Variants in TUSC3 observed in about 807,000 individuals in gnomAD.
TUSC3 encodes the protein tumor suppressor candidate 3.
Under a neutral mutation model 44.8 loss-of-function variants are expected in TUSC3, and 45 were observed. The ratio of observed to expected loss-of-function variants is 1.00; its 90% CI spans 0.79 to 1.29. The LOEUF (loss-of-function observed/expected upper bound fraction) is 1.29. Among genes scored for constraint, TUSC3 ranks in the 50% most tolerant of loss-of-function variants. TUSC3 has a pLI of 0.00. For missense variants in TUSC3, 519 were observed against 437.9 expected (o/e 1.19, Z -1.65); for synonymous variants, 212 against 152.9 (o/e 1.39, Z -2.85).
At chr8:15,552,993 A>G (rs1219967821) in intron 1 of TUSC3, among the ~76,000 whole-genome samples, 1 of 151,648 alleles carries the variant, frequency 6.6e-6, no homozygotes, top group Non-Finnish European at 1.5e-5. Flanking sequence ...GTACTCGGTA[A>G]TTGGTTGTGT....
chr8:15,490,120 G>A (rs2129125693), intron 2 of TUSC3, among the ~76,000 whole-genome samples: 1 of 152,190 alleles, frequency 6.6e-6, no homozygotes, highest in South Asian at 2.1e-4. Context: ...GTTTGATTTG[G>A]TTTTATTTAC....
At chr8:15,721,073 A>T (rs1810288438) in intron 6 of TUSC3, among the ~76,000 whole-genome samples, 1 of 152,082 alleles carries the variant, frequency 6.6e-6, no homozygotes, top group Non-Finnish European at 1.5e-5. Flanking sequence ...ATTCTTACCT[A>T]TTTTTTGTTT....
At chr8:15,830,227 C>G in the TUSC3 span, among the ~76,000 whole-genome samples, 1 of 151,880 alleles carries the variant, frequency 6.6e-6, no homozygotes, top group Non-Finnish European at 1.5e-5. Context: ...TAAATATTTT[C>G]CCCCATTCTG....
chr8:15,494,443 G>A (rs1311728847), intron 2 of TUSC3, among the ~76,000 whole-genome samples: 1 of 151,790 alleles, frequency 6.6e-6, no homozygotes, highest in Non-Finnish European at 1.5e-5. Context: ...TCAGCCTCCG[G>A]AGTAGCTGGG....
chr8:15,707,589 C>A (rs1030315355), intron 6 of TUSC3, among the ~76,000 whole-genome samples: 2 of 151,848 alleles, frequency 1.3e-5, no homozygotes, highest in Admixed American at 6.6e-5. Context: ...TGGTAACAAT[C>A]AAATATAATG....
At chr8:15,600,740 C>T (rs761412014) in intron 1 of TUSC3, among the ~76,000 whole-genome samples, 1 of 151,642 alleles carries the variant, frequency 6.6e-6, no homozygotes, top group Admixed American at 6.6e-5. Flanking sequence ...ACCCTCTCAA[C>T]AACTAGTTAA....
chr8:15,445,490 G>C (rs961408275), intron 1 of TUSC3, among the ~76,000 whole-genome samples: 1 of 152,088 alleles, frequency 6.6e-6, no homozygotes, highest in African/African-American at 2.4e-5. Context: ...GTGTCCCTGG[G>C]TACTTGAGAT....
intron 2 of TUSC3, among the ~76,000 whole-genome samples, chr8:15,645,488 A>G (rs995700278): frequency 4.9e-4 from 74 of 152,162 alleles, no homozygotes; most frequent in African/African-American, 1.7e-3. Context: ...CATCCTCTGT[A>G]TGCTGTATAG....
chr8:15,627,084 A>G (rs1805545200), intron 2 of TUSC3, among the ~76,000 whole-genome samples: 1 of 152,198 alleles, frequency 6.6e-6, no homozygotes, highest in Non-Finnish European at 1.5e-5. Context: ...TGGCCCATAA[A>G]AACCTCAGAC....
chr8:15,673,675 A>C, intron 5 of TUSC3, 72 bp from the exon 6 acceptor site: 2 of 1,247,122 alleles, frequency 1.6e-6, no homozygotes, highest in Non-Finnish European at 2.4e-6. Flanking sequence ...CATGATGACC[A>C]TTGTCTTTTA....
intron 3 of TUSC3, among the ~76,000 whole-genome samples, chr8:15,652,613 G>A (rs1806963448): frequency 1.3e-5 from 2 of 152,050 alleles, no homozygotes; most frequent in African/African-American, 4.8e-5. Flanking sequence ...ATATAAATAT[G>A]TAATTTCAAA....
chr8:15,742,183 G>T (rs1811225579), intron 7 of TUSC3, among the ~76,000 whole-genome samples: 1 of 124,820 alleles, frequency 8.0e-6, no homozygotes, highest in Admixed American at 8.5e-5. Flanking sequence ...AAGCTGTGTA[G>T]CATGGATCTC....
At chr8:15,763,870 C>T (rs1812248425) in intron 10 of TUSC3, among the ~76,000 whole-genome samples, 3 of 151,934 alleles carry the variant, frequency 2.0e-5, no homozygotes, top group Non-Finnish European at 2.9e-5. Flanking sequence ...TTGTTTCAGT[C>T]CATTCCCTTG....
chr8:15,718,376 G>A (rs771304744), intron 6 of TUSC3, among the ~76,000 whole-genome samples: 2 of 152,086 alleles, frequency 1.3e-5, no homozygotes, highest in African/African-American at 2.4e-5. Context: ...ATTGATAGAT[G>A]CATAGAGTGC....
At chr8:15,484,764 A>T (rs10113436) in intron 2 of TUSC3, among the ~76,000 whole-genome samples, 15,951 of 152,248 alleles carry the variant, frequency 0.1, 1,155 homozygotes, top group African/African-American at 0.21. Context: ...TAATATTCAG[A>T]GGGGACAAAT....
intron 1 of TUSC3, among the ~76,000 whole-genome samples, chr8:15,619,509 C>G (rs922472926): frequency 3.4e-5 from 5 of 146,082 alleles, no homozygotes; most frequent in Admixed American, 6.7e-5. Flanking sequence ...TTTTTTTTTT[C>G]CAGTCGAAGT....
intron 10 of TUSC3, among the ~76,000 whole-genome samples, chr8:15,763,396 T>A (rs1411313251): frequency 2.6e-5 from 4 of 151,734 alleles, no homozygotes; most frequent in East Asian, 1.9e-4. Context: ...TTTTTTGATG[T>A]TGTTGTTTTT....
At chr8:15,472,020 A>G (rs923921335) in intron 1 of TUSC3, among the ~76,000 whole-genome samples, 9 of 148,090 alleles carry the variant, frequency 6.1e-5, no homozygotes, top group African/African-American at 2.2e-4. Context: ...AAAATAGGCT[A>G]AACTGTGTAA....
At chr8:15,679,866 G>A (rs1277932399) in intron 6 of TUSC3, among the ~76,000 whole-genome samples, 2 of 151,794 alleles carry the variant, frequency 1.3e-5, no homozygotes. Flanking sequence ...CATTGTTTGT[G>A]TAGACTTTGT....
Sources: gnomAD v4.1 joint callset for allele counts (sites outside exome capture counted in the v4.1 genomes callset) on GRCh38, gnomAD v4.1.1 for gene constraint, MANE v1.5 for transcripts, NCBI Gene and HGNC (gene_info 2026-07-23, HGNC 2026-07-21) for gene names.